Variants in OSBPL1A observed in about 807,000 individuals in gnomAD.
OSBPL1A encodes the protein oxysterol binding protein like 1A.
Under a neutral mutation model 137.1 loss-of-function variants are expected in OSBPL1A, and 80 were observed. The ratio of observed to expected loss-of-function variants is 0.58; its 90% CI spans 0.49 to 0.70. OSBPL1A has a LOEUF of 0.70. OSBPL1A is among the 30% of genes least tolerant of loss of function. The pLI is 0.00. For synonymous variants in OSBPL1A, 365 were observed against 389.7 expected (o/e 0.94, Z 0.75); for missense variants, 970 against 1,129.4 (o/e 0.86, Z 2.02).
chr18:24,216,819 C>T (rs547785970), intron 17 of OSBPL1A, among the ~76,000 whole-genome samples: 3 of 151,812 alleles, frequency 2.0e-5, no homozygotes, highest in Admixed American at 1.3e-4. Flanking sequence ...CTACAAACAA[C>T]GGTCAATGCA....
At chr18:24,278,428 G>A (rs2089891744) in intron 15 of OSBPL1A, among the ~76,000 whole-genome samples, 1 of 152,190 alleles carries the variant, frequency 6.6e-6, no homozygotes, top group African/African-American at 2.4e-5. Flanking sequence ...GGCTTACTAT[G>A]TGTCTGGTAC....
At chr18:24,203,311 A>G (rs2087272117) in intron 17 of OSBPL1A, among the ~76,000 whole-genome samples, 1 of 152,176 alleles carries the variant, frequency 6.6e-6, no homozygotes, top group Non-Finnish European at 1.5e-5. Flanking sequence ...GAAATGATCT[A>G]CAGATAAAGG....
intron 17 of OSBPL1A, among the ~76,000 whole-genome samples, chr18:24,210,555 ATAGGGTC>A (rs956513469): frequency 3.7e-5 from 5 of 136,536 alleles, no homozygotes; most frequent in Non-Finnish European, 6.2e-5. Context: ...TTTTCTTGAG[ATAGGGTC>A]TTACTTTGTC....
intron 14 of OSBPL1A, among the ~76,000 whole-genome samples, chr18:24,281,513 G>A (rs948138839): frequency 6.6e-6 from 1 of 151,342 alleles, no homozygotes; most frequent in Admixed American, 6.6e-5. Context: ...TCAGCCTCCC[G>A]AGTAGATGGG....
intron 17 of OSBPL1A, among the ~76,000 whole-genome samples, chr18:24,214,424 CA>C (rs765434457): frequency 3.9e-5 from 6 of 152,156 alleles, no homozygotes; most frequent in Admixed American, 6.5e-5. Context: ...CTCCACATTC[CA>C]AAAAGGATCC....
At chr18:24,211,908 CA>C (rs36083802) in intron 17 of OSBPL1A, among the ~76,000 whole-genome samples, 3,791 of 144,940 alleles carry the variant, frequency 0.026, 157 homozygotes, top group African/African-American at 0.09. Flanking sequence ...AACTCCATCT[CA>C]AAAAAAAAAA....
chr18:24,294,217 G>T (rs1454472144), intron 14 of OSBPL1A, among the ~76,000 whole-genome samples: 8 of 143,406 alleles, frequency 5.6e-5, no homozygotes, highest in African/African-American at 1.0e-4. Context: ...CCAATATGTG[G>T]TTGTTTTTTT....
At chr18:24,174,866 C>T (rs1035751468) in intron 21 of OSBPL1A, among the ~76,000 whole-genome samples, 11 of 147,858 alleles carry the variant, frequency 7.4e-5, no homozygotes, top group East Asian at 2.1e-4. Context: ...TCGAACTCCT[C>T]GGCTCAAGTG....
intron 4 of OSBPL1A, among the ~76,000 whole-genome samples, chr18:24,350,525 A>G (rs2091420632): frequency 6.6e-6 from 1 of 152,104 alleles, no homozygotes; most frequent in Non-Finnish European, 1.5e-5. Context: ...CTCCTGGCCT[A>G]AAGTGGTCCT....
chr18:24,286,848 C>G (rs947400898), intron 14 of OSBPL1A, among the ~76,000 whole-genome samples: 2 of 152,040 alleles, frequency 1.3e-5, no homozygotes, highest in East Asian at 1.9e-4. Context: ...CAGGCACCAG[C>G]TAAGTGCTGG....
At chr18:24,284,737 G>C (rs898897362) in intron 14 of OSBPL1A, among the ~76,000 whole-genome samples, 2 of 152,188 alleles carry the variant, frequency 1.3e-5, no homozygotes, top group African/African-American at 4.8e-5. Context: ...CCTAAAAACA[G>C]TCTTCAAAAT....
intron 7 of OSBPL1A, among the ~76,000 whole-genome samples, chr18:24,331,176 C>CT (rs1315617116): frequency 6.6e-6 from 1 of 152,186 alleles, no homozygotes; most frequent in African/African-American, 2.4e-5. Context: ...ACTCTAGGTG[C>CT]TGGGTGAACC....
At chr18:24,225,556 A>G (rs781014032) in intron 16 of OSBPL1A, among the ~76,000 whole-genome samples, 1 of 152,230 alleles carries the variant, frequency 6.6e-6, no homozygotes, top group South Asian at 2.1e-4. Context: ...CTTCCAAAAA[A>G]ATTTTAATTT....
At chr18:24,252,996 T>C (rs944174627) in intron 15 of OSBPL1A, among the ~76,000 whole-genome samples, 1 of 151,036 alleles carries the variant, frequency 6.6e-6, no homozygotes, top group Non-Finnish European at 1.5e-5. Context: ...AGAAATTAAA[T>C]CATACCACCA....
chr18:24,179,988 TG>T (rs760812911), intron 19 of OSBPL1A, among the ~76,000 whole-genome samples, 153 bp from the exon 20 acceptor site: 10 of 152,262 alleles, frequency 6.6e-5, no homozygotes, highest in Admixed American at 4.6e-4. Context: ...CAGTGGGACA[TG>T]GAAACTTGGA....
Position 24,334,244 on chromosome 18 carries a change from C to T in OSBPL1A, c.480+1G>A, listed in dbSNP as rs1435802554. The T allele has an allele frequency of 6.2e-7, 1 of 1,602,574 alleles. No homozygotes were observed. On this transcript the variant is annotated splice_donor_variant, in intron 6 of 27. Coordinates refer to ENST00000319481, the MANE Select transcript of OSBPL1A (RefSeq NM_080597.4). LOFTEE classifies it high-confidence loss of function. ...TTTTGGGGGTTTTTTGTTTGTTTTA[C>T]CAGAGCTGTGAGTTCTGTTGTTTTG... is the stretch of plus-strand genomic sequence containing the variant.
chr18:24,232,541 C>T (rs542379334), intron 16 of OSBPL1A, among the ~76,000 whole-genome samples: 37 of 152,296 alleles, frequency 2.4e-4, no homozygotes, highest in Middle Eastern at 3.4e-3. Context: ...TTATACAAAC[C>T]GTAGTGTGTG....
At chr18:24,170,553 C>T in intron 23 of OSBPL1A, 100 bp from the exon 24 acceptor site, 1 of 1,313,636 alleles carries the variant, frequency 7.6e-7, no homozygotes, top group African/African-American at 1.5e-5. Context: ...CGAGTACTAA[C>T]CAGGCCTGAC....
chr18:24,177,735 A>G (rs1003170013), intron 21 of OSBPL1A, among the ~76,000 whole-genome samples: 1 of 152,260 alleles, frequency 6.6e-6, no homozygotes, highest in African/African-American at 2.4e-5. Context: ...AGCATGTTTC[A>G]TAAGAACTGT....
Sources: allele counts gnomAD v4.1 joint callset (sites outside exome capture counted in the v4.1 genomes callset), GRCh38; gene constraint gnomAD v4.1.1; transcripts MANE v1.5; gene names NCBI Gene and HGNC (gene_info 2026-07-23, HGNC 2026-07-21).